The following ESR1 variants were observed in gnomAD, a reference collection of about 807,000 sequenced individuals.
The protein encoded by ESR1 is estrogen receptor 1, also known as estrogen receptor.
A neutral mutation model predicts 52.7 loss-of-function variants in ESR1; 12 were observed. That is an observed-to-expected ratio of 0.23 (90% CI 0.15 to 0.37). The LOEUF is 0.37. Among genes scored for constraint, ESR1 ranks in the 10% least tolerant of loss-of-function variants. The probability of loss-of-function intolerance (pLI) is 1.00; values close to 1 mark genes in which losing one functional copy is unlikely to be tolerated. For missense variants in ESR1, 584 were observed against 779.7 expected (o/e 0.75, Z 2.99); for synonymous variants, 305 against 316.8 (o/e 0.96, Z 0.39).
At chr6:151,671,315 T>A (rs1203789956) in intron 1 of ESR1, among the ~76,000 whole-genome samples, 1 of 152,118 alleles carries the variant, frequency 6.6e-6, no homozygotes, top group East Asian at 1.9e-4. Flanking sequence ...ATAAAGCAAA[T>A]GTGGTATGTA....
At chr6:151,985,054 G>A (rs934809819) in intron 4 of ESR1, among the ~76,000 whole-genome samples, 1 of 152,182 alleles carries the variant, frequency 6.6e-6, no homozygotes, top group Non-Finnish European at 1.5e-5. Context: ...ATCAATGTAT[G>A]TATGAATGTC....
chr6:151,879,525 T>C (rs1191883340), intron 2 of ESR1, among the ~76,000 whole-genome samples: 1 of 152,098 alleles, frequency 6.6e-6, no homozygotes, highest in East Asian at 1.9e-4. Context: ...CAGTCTCGCA[T>C]GTGATCAAAG....
intron 2 of ESR1, among the ~76,000 whole-genome samples, chr6:151,877,113 C>CT (rs80167015): frequency 2.0e-3 from 302 of 148,802 alleles, no homozygotes; most frequent in African/African-American, 4.6e-3. Context: ...AGAATTTCTT[C>CT]TTTTTTTTTT....
Position 152,011,824 on chromosome 6 carries a change from G to A in ESR1, c.1235+30G>A, listed in dbSNP as rs1407990760. On this transcript the variant is annotated intron_variant, in intron 5 of 7. Transcript: ENST00000206249. ...GTGACCTGGCTGTAGCTTAGGAGTA[G>A]CATGTTCTTTACGATCATAGTTCAT... is the stretch of plus-strand genomic sequence containing the variant. 1.9e-6 allele frequency: 3 copies of A among 1,610,350 alleles called. No homozygotes were observed. The South Asian group carries it at 3.3e-5, about 18-fold the overall frequency.
At chr6:151,920,775 G>A (rs1239118639) in intron 3 of ESR1, among the ~76,000 whole-genome samples, 1 of 152,106 alleles carries the variant, frequency 6.6e-6, no homozygotes, top group Non-Finnish European at 1.5e-5. Context: ...CGTATCAAGG[G>A]TACATGCCAT....
chr6:152,082,952 C>T (rs911819617), intron 6 of ESR1, among the ~76,000 whole-genome samples: 4 of 151,892 alleles, frequency 2.6e-5, no homozygotes, highest in Non-Finnish European at 4.4e-5. Flanking sequence ...CACTGCTCAA[C>T]GAAATAAAAG....
chr6:151,846,959 T>C (rs1214976836), intron 2 of ESR1, among the ~76,000 whole-genome samples: 1 of 152,212 alleles, frequency 6.6e-6, no homozygotes, highest in Non-Finnish European at 1.5e-5. Context: ...TCACTGCTTC[T>C]CTTTCATTAT....
chr6:151,660,021 C>T (rs851967), intron 1 of ESR1, among the ~76,000 whole-genome samples: 40,630 of 152,104 alleles, frequency 0.27, 6,431 homozygotes, highest in East Asian at 0.47. Context: ...TTTATGTCCA[C>T]CTTAAAATAG....
exon 7 of ESR1, chr6:152,127,290 T>A (rs1381850675): frequency 2.6e-5 from 4 of 152,090 alleles, no homozygotes; most frequent in African/African-American, 9.7e-5. Flanking sequence ...ACACCTCTAA[T>A]CCCCAGTGTC....
intron 2 of ESR1, among the ~76,000 whole-genome samples, chr6:151,750,907 G>T (rs1257143925): frequency 3.9e-5 from 6 of 152,180 alleles, no homozygotes. Flanking sequence ...GATTATTTGA[G>T]GAGAACCTGG....
chr6:151,667,815 T>C (rs189403671), intron 1 of ESR1, among the ~76,000 whole-genome samples: 1 of 152,240 alleles, frequency 6.6e-6, no homozygotes, highest in Admixed American at 6.5e-5. Context: ...TACAAAGGGA[T>C]TTCAGATAGA....
At chr6:152,116,964 A>G (rs570444880) in intron 6 of ESR1, among the ~76,000 whole-genome samples, 2 of 152,278 alleles carry the variant, frequency 1.3e-5, no homozygotes, top group South Asian at 2.1e-4. Flanking sequence ...ACTGCTTGCT[A>G]TCATGGCCAA....
At chr6:151,854,989 T>C (rs1350795983) in intron 2 of ESR1, among the ~76,000 whole-genome samples, 1 of 152,176 alleles carries the variant, frequency 6.6e-6, no homozygotes, top group Non-Finnish European at 1.5e-5. Flanking sequence ...TCTTGGCTCA[T>C]TGCAACCTCT....
chr6:151,850,563 A>G (rs77253226), intron 2 of ESR1, among the ~76,000 whole-genome samples: 2,535 of 152,112 alleles, frequency 0.017, 63 homozygotes, highest in African/African-American at 0.058. Context: ...TTTGGGGCCT[A>G]AAGTGTTACA....
Position 151,851,321 on chromosome 6 carries a change from G to A in ESR1, c.643+8534G>A, listed in dbSNP as rs148280036. On this transcript the variant is annotated intron_variant, in intron 2 of 7. Coordinates refer to ENST00000206249, the MANE Select transcript of ESR1 (RefSeq NM_000125.4). ...GAAATTCTCTCTCTCCTGGGACCTC[G>A]ATATTAGTTTATTCCATTGTATTGC... Among the ~76,000 whole-genome samples, 621 of 152,128 alleles carry A rather than the reference G, an allele frequency of 4.1e-3. 4 individuals carry two copies. Among genetic ancestry groups the A allele is most frequent in the African/African-American group, 0.014 (586 of 41,500 alleles).
chr6:152,034,021 G>C (rs9479169), intron 5 of ESR1, among the ~76,000 whole-genome samples: 66,779 of 151,776 alleles, frequency 0.44, 16,625 homozygotes, highest in African/African-American at 0.67. Flanking sequence ...AACCATCATT[G>C]TGAGCGAACT....
At position 151,795,931 on chromosome 6, in the gene ESR1, G is replaced by C. The variant is rs974062979; in HGVS notation, c.-70-11912G>C. ...TGGGAGGCCGAGGTGGGCGGATCATGAGGTCAGGAGATCAAAATCATCCTG... is the reference window on the plus strand; with the variant it reads ...TGGGAGGCCGAGGTGGGCGGATCATCAGGTCAGGAGATCAAAATCATCCTG... On this transcript the variant is annotated intron_variant, in intron 2 of 2. Coordinates refer to the ESR1 transcript ENST00000404742. 3.0e-4 allele frequency among the ~76,000 whole-genome samples: 46 copies of C among 151,960 alleles called. 1 individual carries two copies. The highest frequency in any genetic ancestry group is 1.3e-4 in the Admixed American group (2 of 15,260).
At chr6:151,820,149 C>A (rs940952335) in intron 1 of ESR1, among the ~76,000 whole-genome samples, 2 of 152,072 alleles carry the variant, frequency 1.3e-5, no homozygotes, top group African/African-American at 4.8e-5. Flanking sequence ...TTTAATAGAG[C>A]AAGTGACCCT....
chr6:151,858,598 T>TAAAAAAAA (rs973165694), intron 2 of ESR1, among the ~76,000 whole-genome samples: 1 of 148,938 alleles, frequency 6.7e-6, no homozygotes, highest in East Asian at 2.0e-4. Context: ...TTTTTTTTTT[T>TAAAAAAAA]AAAGCATTTT....
Sources: allele counts gnomAD v4.1 joint callset (sites outside exome capture counted in the v4.1 genomes callset), GRCh38; gene constraint gnomAD v4.1.1; transcripts MANE v1.5; gene names NCBI Gene and HGNC (gene_info 2026-07-23, HGNC 2026-07-21).